Variants in DIAPH2 observed in about 807,000 individuals in gnomAD.
The protein encoded by DIAPH2 is diaphanous related formin 2.
DIAPH2 carries 35 observed loss-of-function variants against 92.7 expected under a neutral mutation model. The ratio of observed to expected loss-of-function variants is 0.38; its 90% CI spans 0.29 to 0.50. DIAPH2 has a LOEUF of 0.50. DIAPH2 is among the 20% of genes least tolerant of loss of function. The probability of loss-of-function intolerance (pLI) is 0.94; values close to 1 mark genes in which losing one functional copy is unlikely to be tolerated. For missense variants in DIAPH2, 701 were observed against 819.5 expected (o/e 0.86, Z 1.77); for synonymous variants, 301 against 280.4 (o/e 1.07, Z -0.73).
chrX:97,240,141 C>CTATT (rs1373543429), intron 22 of DIAPH2, among the ~76,000 whole-genome samples: 1 of 110,707 alleles, frequency 9.0e-6, no homozygotes, highest in East Asian at 2.8e-4. Flanking sequence ...GAAATACAGA[C>CTATT]TATTGCATGG....
intron 22 of DIAPH2, among the ~76,000 whole-genome samples, chrX:97,214,230 G>A (rs1602422269): frequency 1.8e-5 from 2 of 111,910 alleles, no homozygotes; most frequent in African/African-American, 6.5e-5. Context: ...TGTATAATTT[G>A]AAAACGACAT....
intron 23 of DIAPH2, among the ~76,000 whole-genome samples, chrX:97,324,102 A>G (rs2068930302): frequency 1.8e-5 from 2 of 111,114 alleles, no homozygotes; most frequent in Non-Finnish European, 3.8e-5. Context: ...TCTCCTTTCA[A>G]TAAAACATAT....
intron 23 of DIAPH2, among the ~76,000 whole-genome samples, chrX:97,249,052 T>C (rs2068165231): frequency 9.1e-6 from 1 of 110,322 alleles, no homozygotes; most frequent in African/African-American, 3.3e-5. Flanking sequence ...TTTCACTTTA[T>C]TGCTGATTAC....
chrX:96,761,776 G>A (rs6620157), intron 4 of DIAPH2, among the ~76,000 whole-genome samples: 16,978 of 109,667 alleles, frequency 0.15, 1,140 homozygotes, highest in East Asian at 0.32. Flanking sequence ...ATAAACAAGG[G>A]ACAAATACGA....
At chrX:97,074,672 G>T (rs2066693203) in intron 18 of DIAPH2, among the ~76,000 whole-genome samples, 1 of 111,996 alleles carries the variant, frequency 8.9e-6, no homozygotes, top group African/African-American at 3.2e-5. Flanking sequence ...AGAGCACACT[G>T]ATGATTTAGG....
chrX:97,126,747 A>G (rs910667117), intron 21 of DIAPH2, among the ~76,000 whole-genome samples: 8 of 112,501 alleles, frequency 7.1e-5, no homozygotes, highest in Admixed American at 6.6e-4. Context: ...CTGTTAGATG[A>G]TATCTATACT....
At chrX:97,171,105 C>A (rs1650892521) in intron 22 of DIAPH2, among the ~76,000 whole-genome samples, 1 of 111,448 alleles carries the variant, frequency 9.0e-6, no homozygotes, top group Admixed American at 9.5e-5. Context: ...AACTGCTGAC[C>A]TCAGGCAATC....
chrX:96,949,019 A>G lies in DIAPH2; in HGVS notation c.1594A>G (p.Ile532Val). ...GAAAATCAAAGAACTTGAAGCAGAA[A>G]TCCAGCAACTTCGAACCCAGGTAAT... ...DEKIKELEAE[I>V]QQLRTQAQVL... is the part of the protein sequence containing the mutation. The change falls in exon 15 of 27, where the codon ATC becomes GTC. Residue 532 changes from isoleucine (I) to valine (V), a missense_variant. Physicochemically the swap from Ile to Val is conservative, Grantham distance 29 (BLOSUM62 3). This residue lies in a region of DIAPH2 where 536 missense variants were observed against 599.3 expected (regional missense o/e 0.89). Coordinates refer to ENST00000324765, the MANE Select transcript of DIAPH2 (RefSeq NM_006729.5). The G allele has an allele frequency of 8.3e-7, 1 of 1,197,763 alleles. No individual in the cohort carries two copies. Among genetic ancestry groups the G allele is most frequent in the South Asian group, 1.8e-5 (1 of 54,918 alleles).
chrX:97,246,645 G>A (rs1014201012), intron 22 of DIAPH2, among the ~76,000 whole-genome samples: 1 of 112,367 alleles, frequency 8.9e-6, no homozygotes, highest in Non-Finnish European at 1.9e-5. Flanking sequence ...TTGCCAAGGG[G>A]TTGATTTTGG....
At chrX:96,888,594 GATATATATATCTA>G (rs2065284310) in intron 5 of DIAPH2, among the ~76,000 whole-genome samples, 2 of 42,591 alleles carry the variant, frequency 4.7e-5, no homozygotes, top group African/African-American at 2.9e-4. Context: ...TATATATACA[GATATATATATCTA>G]TATATATCTA....
intron 24 of DIAPH2, among the ~76,000 whole-genome samples, chrX:97,366,124 A>G (rs765793291): frequency 8.9e-6 from 1 of 112,127 alleles, no homozygotes; most frequent in South Asian, 3.8e-4. Context: ...TACACAACAG[A>G]GTGTGTGGCA....
chrX:97,417,590 G>A (rs1381848113), intron 25 of DIAPH2, among the ~76,000 whole-genome samples: 1 of 111,557 alleles, frequency 9.0e-6, no homozygotes, highest in East Asian at 2.8e-4. Flanking sequence ...CAGGAGAATC[G>A]CTTGAACCCA....
At chrX:96,896,853 A>G (rs1053349448) in intron 5 of DIAPH2, among the ~76,000 whole-genome samples, 11 of 112,074 alleles carry the variant, frequency 9.8e-5, no homozygotes, top group African/African-American at 3.6e-4. Flanking sequence ...ATTTAGTCCT[A>G]CAAATGCTTT....
chrX:96,836,279 C>G (rs2064886074), intron 4 of DIAPH2, among the ~76,000 whole-genome samples: 1 of 109,479 alleles, frequency 9.1e-6, no homozygotes, highest in African/African-American at 3.3e-5. Context: ...GAATTTATGG[C>G]CAAGTCTTTG....
chrX:97,083,443 C>T lies in DIAPH2; in HGVS notation c.2247+8182C>T, dbSNP rs774494667. Among the ~76,000 whole-genome samples the T allele has an allele frequency of 3.1e-3, 351 of 112,068 alleles. 1 individual carries two copies. The highest frequency in any genetic ancestry group is 7.1e-3 in the South Asian group (19 of 2,677). ...AAAAGTATTTAGCAAGTGCTGAAAG[C>T]GTATGCTTAAATCAGGTTTCCTCTA... On this transcript the variant is annotated intron_variant, in intron 19 of 26. Coordinates refer to ENST00000324765, the MANE Select transcript of DIAPH2 (RefSeq NM_006729.5).
At chrX:97,008,727 C>G (rs763781220) in intron 17 of DIAPH2, among the ~76,000 whole-genome samples, 3 of 111,532 alleles carry the variant, frequency 2.7e-5, no homozygotes, top group Non-Finnish European at 5.6e-5. Context: ...GAAGAATTCT[C>G]TGTATTGTCA....
rs1340930814 is a variant in DIAPH2 at position 97,597,144 on chromosome X, G to A, written c.3242-2109G>A. Reference sequence around the variant, plus strand: ...TTCTTATAATTATCTCATTAATATTGGGACAAATTAGGCATCCAGAGAGGT... The same window carrying A: ...TTCTTATAATTATCTCATTAATATTAGGACAAATTAGGCATCCAGAGAGGT... On this transcript the variant is annotated intron_variant, in intron 26 of 26. Coordinates refer to ENST00000324765, the MANE Select transcript of DIAPH2 (RefSeq NM_006729.5). Among the ~76,000 whole-genome samples the A allele has an allele frequency of 1.2e-4, 13 of 111,017 alleles. No homozygotes were observed. The Admixed American group carries it at 1.2e-3, about 11-fold the overall frequency.
chrX:97,112,324 G>A (rs1227763714), intron 20 of DIAPH2, among the ~76,000 whole-genome samples: 1 of 111,142 alleles, frequency 9.0e-6, no homozygotes, highest in Non-Finnish European at 1.9e-5. Context: ...GCTCAAAGTA[G>A]CTCTATAGCT....
intron 22 of DIAPH2, among the ~76,000 whole-genome samples, chrX:97,193,846 G>A (rs1420181611): frequency 1.8e-5 from 2 of 111,858 alleles, no homozygotes; most frequent in East Asian, 2.8e-4. Flanking sequence ...ATTTAAATCC[G>A]TGGATTATGG....
Sources: allele counts gnomAD v4.1 joint callset (sites outside exome capture counted in the v4.1 genomes callset), GRCh38; gene constraint gnomAD v4.1.1; regional missense constraint gnomAD v4.1.1; transcripts MANE v1.5; gene names NCBI Gene and HGNC (gene_info 2026-07-23, HGNC 2026-07-21).